The following BBX variants were observed in gnomAD, a reference collection of about 807,000 sequenced individuals.
BBX encodes HMG box transcription factor BBX.
In BBX, 30 loss-of-function variants were observed where a neutral mutation model predicts 100.2. The observed-to-expected ratio is 0.30, with a 90% CI of 0.22 to 0.41. The LOEUF is 0.41. Ranked by LOEUF, BBX falls within the 10% of genes least tolerant of loss-of-function variation. The pLI is 1.00. For synonymous variants in BBX, 376 were observed against 388.1 expected (o/e 0.97, Z 0.37); for missense variants, 1,023 against 1,129.8 (o/e 0.91, Z 1.35).
At chr3:107,743,919 T>TTTTTTTTTTTTTTTTTTTTTTTTTTGA (rs2064337373) in intron 7 of BBX, among the ~76,000 whole-genome samples, 1 of 3,232 alleles carries the variant, frequency 3.1e-4, no homozygotes, top group Non-Finnish European at 6.4e-4. Flanking sequence ...GTTTTAGTGG[T>TTTTTTTTTTTTTTTTTTTTTTTTTTGA]TTTTTTTTTT....
chr3:107,560,332 G>C (rs1559811677), intron 2 of BBX, among the ~76,000 whole-genome samples: 2 of 151,958 alleles, frequency 1.3e-5, no homozygotes, highest in Non-Finnish European at 2.9e-5. Context: ...GTAATTAAAT[G>C]ATTTCACTTT....
At chr3:107,779,582 T>C (rs2067662120) in intron 13 of BBX, among the ~76,000 whole-genome samples, 2 of 152,160 alleles carry the variant, frequency 1.3e-5, no homozygotes, top group Non-Finnish European at 2.9e-5. Flanking sequence ...GCCTATTGCC[T>C]GCTTCATCAA....
intron 3 of BBX, among the ~76,000 whole-genome samples, chr3:107,692,705 A>T (rs1341594554): frequency 6.7e-6 from 1 of 150,032 alleles, no homozygotes; most frequent in African/African-American, 2.4e-5. Flanking sequence ...TCCTTTGGGT[A>T]TATACCCAGT....
chr3:107,578,663 C>T (rs2052019127), intron 2 of BBX, among the ~76,000 whole-genome samples: 1 of 152,124 alleles, frequency 6.6e-6, no homozygotes, highest in African/African-American at 2.4e-5. Flanking sequence ...CTGAAACAGG[C>T]TCCTTCCCTG....
chr3:107,794,937 G>A (rs1488063494), intron 15 of BBX, among the ~76,000 whole-genome samples: 1 of 152,186 alleles, frequency 6.6e-6, no homozygotes, highest in African/African-American at 2.4e-5. Context: ...GGCTCCAGGA[G>A]TGAGCTTGCA....
intron 2 of BBX, among the ~76,000 whole-genome samples, chr3:107,583,956 T>C (rs1364337724): frequency 1.2e-5 from 1 of 81,380 alleles, no homozygotes; most frequent in Non-Finnish European, 2.2e-5. Context: ...ATTATTATAT[T>C]ATATATATTA....
At chr3:107,777,212 G>A (rs533695885) in intron 12 of BBX, among the ~76,000 whole-genome samples, 12 of 152,192 alleles carry the variant, frequency 7.9e-5, no homozygotes, top group Non-Finnish European at 1.6e-4. Flanking sequence ...CATATGTAAG[G>A]TTCAGTACCA....
chr3:107,551,312 C>T (rs2399139), intron 2 of BBX, among the ~76,000 whole-genome samples: 37,966 of 151,968 alleles, frequency 0.25, 5,804 homozygotes, highest in South Asian at 0.39. Flanking sequence ...CCAGTGACAA[C>T]ACTTTGTTGA....
intron 3 of BBX, among the ~76,000 whole-genome samples, chr3:107,682,021 C>G (rs1292963414): frequency 6.6e-6 from 1 of 152,100 alleles, no homozygotes; most frequent in Non-Finnish European, 1.5e-5. Context: ...TGCTTCATAA[C>G]AGTGCAGTGT....
chr3:107,671,676 C>T (rs570982662), intron 3 of BBX, among the ~76,000 whole-genome samples: 43 of 151,988 alleles, frequency 2.8e-4, no homozygotes, highest in Non-Finnish European at 5.7e-4. Flanking sequence ...TAAAATTGAG[C>T]GCTGCAGAAT....
At chr3:107,565,459 AT>A (rs2050817509) in intron 2 of BBX, among the ~76,000 whole-genome samples, 1 of 146,680 alleles carries the variant, frequency 6.8e-6, no homozygotes, top group African/African-American at 2.5e-5. Context: ...TTATTTATTT[AT>A]TTATTTATTT....
rs2071101489 is a variant in BBX, at chr3:107,807,061, A to G, written c.*1604A>G. The G allele has an allele frequency of 6.6e-6, 1 of 152,194 alleles. No individual in the cohort carries two copies. Among genetic ancestry groups the G allele is most frequent in the Non-Finnish European group, 1.5e-5 (1 of 68,048 alleles). 9.4% of individuals were successfully genotyped at this position (152,194 alleles called of 1,614,324 possible). ...TTTTTTTCTAATTGTAATTTGACGT[A>G]ATAGCCATACAAAAAATGACTCTAT... On this transcript the variant is annotated 3_prime_UTR_variant, in exon 18 of 18. Coordinates refer to ENST00000325805, the MANE Select transcript of BBX (RefSeq NM_001142568.3).
At chr3:107,661,607 A>G (rs570313488) in intron 3 of BBX, among the ~76,000 whole-genome samples, 28 of 152,316 alleles carry the variant, frequency 1.8e-4, no homozygotes, top group Non-Finnish European at 2.9e-4. Flanking sequence ...CACCTATTAC[A>G]TGAGTAAATA....
At chr3:107,668,719 G>A (rs1202968229) in intron 3 of BBX, among the ~76,000 whole-genome samples, 1 of 152,114 alleles carries the variant, frequency 6.6e-6, no homozygotes, top group African/African-American at 2.4e-5. Context: ...TCACTCATTG[G>A]AGCTTAATCA....
intron 2 of BBX, among the ~76,000 whole-genome samples, chr3:107,547,593 A>T (rs942543177): frequency 4.6e-5 from 7 of 152,158 alleles, no homozygotes; most frequent in African/African-American, 1.7e-4. Flanking sequence ...TAAATGAATA[A>T]AATATGATAT....
chr3:107,773,741 A>ATTTTG lies in BBX; in HGVS notation c.1915+105_1915+106insTTTTG. The stretch of plus-strand genomic sequence containing the variant: ...ATAAAAAACAATATGGTATCAAAAT[A>ATTTTG]ATACCTTACATTTGTATATTTCTTT... On this transcript the variant is annotated intron_variant, in intron 11 of 17. Transcript: ENST00000325805. This position sits in a 1 kb window ranked among gnomAD's most constrained non-coding sequence, Gnocchi z 4.1. 1 of 968,058 alleles carries ATTTTG rather than the reference A, an allele frequency of 1.0e-6. No individual in the cohort carries two copies. The highest frequency in any genetic ancestry group is 1.5e-6 in the Non-Finnish European group (1 of 663,082). 60.0% of individuals were successfully genotyped at this position (968,058 alleles called of 1,614,324 possible).
In BBX at chr3:107,805,719, G is replaced by C. The variant is rs1451916599; in HGVS notation, c.*262G>C. 1 of 520,692 alleles carries C rather than the reference G, an allele frequency of 1.9e-6. No homozygotes were observed. Among genetic ancestry groups the C allele is most frequent in the African/African-American group, 1.9e-5 (1 of 52,834 alleles). 32.3% of individuals were successfully genotyped at this position (520,692 alleles called of 1,614,324 possible). On this transcript the variant is annotated 3_prime_UTR_variant, in exon 18 of 18. Coordinates refer to ENST00000325805, the MANE Select transcript of BBX (RefSeq NM_001142568.3). Reference sequence around the variant, plus strand: ...TCCTGGAGCTTTGCTTTCTATTGAAGGCTTTTGACGGTAATAGGTGGTAAC... The same window carrying C: ...TCCTGGAGCTTTGCTTTCTATTGAACGCTTTTGACGGTAATAGGTGGTAAC...
At chr3:107,701,713 T>C (rs1386389991) in intron 3 of BBX, among the ~76,000 whole-genome samples, 2 of 152,186 alleles carry the variant, frequency 1.3e-5, no homozygotes, top group African/African-American at 4.8e-5. Flanking sequence ...AATGTCATGC[T>C]TATGTTCTAC....
intron 2 of BBX, among the ~76,000 whole-genome samples, chr3:107,569,375 CTTTTTTA>C (rs889598682): frequency 6.6e-6 from 1 of 151,822 alleles, no homozygotes; most frequent in Non-Finnish European, 1.5e-5. Context: ...AGAGTAATTC[CTTTTTTA>C]TTTTTTATTT....
Sources: allele counts gnomAD v4.1 joint callset (sites outside exome capture counted in the v4.1 genomes callset), GRCh38; gene constraint gnomAD v4.1.1; non-coding constraint Gnocchi (gnomAD v3.1); transcripts MANE v1.5; gene names NCBI Gene and HGNC (gene_info 2026-07-23, HGNC 2026-07-21).